Variants in HERC1 observed in about 807,000 individuals in gnomAD.
The protein encoded by HERC1 is probable E3 ubiquitin-protein ligase HERC1.
HERC1 carries 160 observed loss-of-function variants against 554.3 expected under a neutral mutation model. That is an observed-to-expected ratio of 0.29 (90% confidence interval 0.25 to 0.33). The LOEUF (loss-of-function observed/expected upper bound fraction) is 0.33. HERC1 is among the 10% of genes least tolerant of loss of function. The pLI, the probability that HERC1 is intolerant of heterozygous loss-of-function variation, is 1.00. For missense variants in HERC1, 4,919 were observed against 5,918.5 expected, an observed-to-expected ratio of 0.83 and a Z score of 5.54; for synonymous variants, 2,175 against 2,131.7, an observed-to-expected ratio of 1.02 and a Z score of -0.56.
Position 63,797,852 on chromosome 15 carries a change from T to A in HERC1, c.-26-22203A>T, listed in dbSNP as rs148300727. 1.2e-3 allele frequency among the ~76,000 whole-genome samples: 188 copies of A among 152,332 alleles called. 1 individual carries two copies. The highest frequency in any genetic ancestry group is 4.2e-3 in the African/African-American group (173 of 41,574). On this transcript the variant is annotated intron_variant, in intron 1 of 77. Coordinates refer to ENST00000443617, the MANE Select transcript of HERC1 (RefSeq NM_003922.4). ...ATCCGTAAGATAGTTATTAATAACATAAAACAATTTTCAAAAAATTAAACA... is the reference window on the plus strand; with the variant it reads ...ATCCGTAAGATAGTTATTAATAACAAAAAACAATTTTCAAAAAATTAAACA...
chr15:63,700,126 G>A (rs1379863782), intron 25 of HERC1, among the ~76,000 whole-genome samples: 1 of 151,922 alleles, frequency 6.6e-6, no homozygotes, highest in Non-Finnish European at 1.5e-5. Flanking sequence ...TTGTTTTAAT[G>A]TATTCCTAAG....
chr15:63,754,575 A>AC lies in HERC1; in HGVS notation c.1703dup (p.Cys568TrpfsTer11). On this transcript the variant is annotated frameshift_variant, in exon 7 of 78. Coordinates refer to ENST00000443617, the MANE Select transcript of HERC1 (RefSeq NM_003922.4). LOFTEE classifies it high-confidence loss of function. Reference sequence around the variant, plus strand: ...ACAGAGCAATAGTATGTGAACTGCCACAAGAAACCTCTCCTACATTGCTGA... The same window carrying AC: ...ACAGAGCAATAGTATGTGAACTGCCACCAAGAAACCTCTCCTACATTGCTGA... 1 of 1,613,596 alleles carries AC rather than the reference A, an allele frequency of 6.2e-7. No individual in the cohort carries two copies. The highest frequency in any genetic ancestry group is 8.5e-7 in the Non-Finnish European group (1 of 1,179,606).
chr15:63,675,712 T>G (rs1248789557), intron 37 of HERC1, among the ~76,000 whole-genome samples: 1 of 152,204 alleles, frequency 6.6e-6, no homozygotes, highest in Non-Finnish European at 1.5e-5. Context: ...ATATATTTCC[T>G]GATATTGGCA....
At chr15:63,827,870 G>C (rs764127094) in intron 1 of HERC1, among the ~76,000 whole-genome samples, 5 of 152,128 alleles carry the variant, frequency 3.3e-5, no homozygotes, top group African/African-American at 4.8e-5. Flanking sequence ...TATGCTAAGT[G>C]AAAGAAGCCA....
At chr15:63,636,435 T>A (rs138082820) in intron 64 of HERC1, among the ~76,000 whole-genome samples, 62 of 152,116 alleles carry the variant, frequency 4.1e-4, no homozygotes, top group African/African-American at 1.4e-3. Context: ...CATATCTGGC[T>A]AATTTTTGTA....
intron 34 of HERC1, among the ~76,000 whole-genome samples, chr15:63,682,275 G>A (rs1213751488): frequency 1.3e-5 from 2 of 152,146 alleles, no homozygotes; most frequent in African/African-American, 2.4e-5. Flanking sequence ...TACCCCAGAC[G>A]CTCTTGGCCT....
rs148121104 is a variant in HERC1 at position 63,615,323 on chromosome 15, G to C, written c.14094+445C>G. Reference sequence around the variant, plus strand: ...TAGGGTTTGGAATATAAATACAAAGGAATCACCAAGTGCGGTGGCTCACAC... The same window carrying C: ...TAGGGTTTGGAATATAAATACAAAGCAATCACCAAGTGCGGTGGCTCACAC... On this transcript the variant is annotated intron_variant, in intron 76 of 77. Transcript: ENST00000443617. 2.0e-3 allele frequency among the ~76,000 whole-genome samples: 310 copies of C among 152,266 alleles called. 1 individual carries two copies. Among genetic ancestry groups the C allele is most frequent in the African/African-American group, 7.1e-3 (297 of 41,544 alleles).
At chr15:63,691,569 C>G (rs987588662) in intron 31 of HERC1, among the ~76,000 whole-genome samples, 1 of 151,454 alleles carries the variant, frequency 6.6e-6, no homozygotes, top group African/African-American at 2.4e-5. Context: ...GTAATAAGAT[C>G]AGTTGAAAAT....
intron 54 of HERC1, among the ~76,000 whole-genome samples, chr15:63,649,097 G>A (rs143571739): frequency 0.017 from 2,585 of 152,310 alleles, 39 homozygotes; most frequent in Admixed American, 0.039. Flanking sequence ...GCTCACGCCT[G>A]TAATCCCAGG....
intron 57 of HERC1, 92 bp from the exon 58 acceptor site, chr15:63,643,642 G>T: frequency 1.0e-6 from 1 of 975,050 alleles, no homozygotes; most frequent in African/African-American, 1.7e-5. Flanking sequence ...TTATATTTCA[G>T]AATAAAATTG....
At position 63,661,765 on chromosome 15, in the gene HERC1, G is replaced by C. The variant is rs573700001; in HGVS notation, c.9158C>G (p.Thr3053Arg). Residue 3053 changes from threonine to arginine, a missense_variant, in exon 45 of 78, where the codon ACA (threonine) becomes AGA (arginine). Coordinates refer to ENST00000443617, the MANE Select transcript of HERC1 (RefSeq NM_003922.4). ...AATTTCAAGGTACCTTTCAGAACTT[G>C]TTGACTTAGATTTGGTCTTCATGGC... is the stretch of plus-strand genomic sequence containing the variant. ...YLAMKTKSKS[T>R]SSERYKGQAP... The C allele has an allele frequency of 1.2e-6, 2 of 1,613,942 alleles. No individual in the cohort carries two copies. Among genetic ancestry groups the C allele is most frequent in the East Asian group, 4.5e-5 (2 of 44,884 alleles).
At chr15:63,611,704 G>T (rs2067599817) in intron 77 of HERC1, among the ~76,000 whole-genome samples, 3 of 152,224 alleles carry the variant, frequency 2.0e-5, no homozygotes, top group African/African-American at 7.2e-5. Context: ...AAGATTTAGG[G>T]AAGGTTGTTG....
chr15:63,833,749 G>GCACACACACACACA (rs1206350552), intron 1 of HERC1, 78 bp downstream of exon 1: 4 of 28,460 alleles, frequency 1.4e-4, no homozygotes, highest in African/African-American at 5.3e-4. Flanking sequence ...ACACACGCGC[G>GCACACACACACACA]CGCGCACACA....
At position 63,694,903 on chromosome 15, in the gene HERC1, C is replaced by T. The variant is rs1485033628; in HGVS notation, c.5122-9G>A. On this transcript the variant is annotated splice_polypyrimidine_tract_variant and intron_variant, in intron 27 of 77. Coordinates refer to ENST00000443617, the MANE Select transcript of HERC1 (RefSeq NM_003922.4). This position sits in a 1 kb window ranked among gnomAD's most constrained non-coding sequence, Gnocchi z 4.3. Reference sequence around the variant, plus strand: ...GCTGCTCTGATCCCATCCTGAATTACACATAAAGAATTACTTTTTCTATTA... The same window carrying T: ...GCTGCTCTGATCCCATCCTGAATTATACATAAAGAATTACTTTTTCTATTA... 2 of 1,605,064 alleles carry T rather than the reference C, an allele frequency of 1.2e-6. No homozygotes were observed. The highest frequency in any genetic ancestry group is 2.2e-5 in the East Asian group (1 of 44,778).
rs1190191736 is a variant in HERC1 at position 63,608,833 on chromosome 15, A to G, written c.*248T>C. ...AAATGGTTTCATGCAAACTTATCAA[A>G]AGTGACCAAAAATATGGAGGGAAAA... On this transcript the variant is annotated 3_prime_UTR_variant, in exon 78 of 78. Transcript: ENST00000443617. The G allele has an allele frequency of 5.6e-6, 2 of 354,846 alleles. No homozygotes were observed. Among genetic ancestry groups the G allele is most frequent in the African/African-American group, 4.2e-5 (2 of 47,670 alleles). 22.0% of individuals were successfully genotyped at this position (354,846 alleles called of 1,614,324 possible). A position where few individuals can be genotyped will look rare whatever the true frequency, so the allele number is the denominator to read the frequency against.
At chr15:63,800,293 A>T (rs1201333904) in intron 1 of HERC1, among the ~76,000 whole-genome samples, 1 of 152,218 alleles carries the variant, frequency 6.6e-6, no homozygotes, top group Non-Finnish European at 1.5e-5. Flanking sequence ...AAAGAACAAA[A>T]TCTCTCCTCT....
At position 63,616,483 on chromosome 15, in the gene HERC1, T is replaced by C; in HGVS notation, c.13888A>G (p.Asn4630Asp). The C allele has an allele frequency of 5.0e-6, 8 of 1,614,002 alleles. No individual in the cohort carries two copies. The highest frequency in any genetic ancestry group is 6.8e-6 in the Non-Finnish European group (8 of 1,179,882). Residue 4630 changes from asparagine (N) to aspartate (D), a missense_variant, in exon 75 of 78, where the codon AAC becomes GAC. Asn to Asp is a conservative substitution (Grantham distance 23). Transcript: ENST00000443617. ...EVDLLYVQTL[N>D]SILHIEDSGI... ...CTGTCTTCAATGTGAAGAATGCTGT[T>C]GAGAGTCTGCACGTAGAGCAGATCC...
chr15:63,725,182 A>T (rs2073989963), intron 18 of HERC1, 110 bp downstream of exon 18: 1 of 899,824 alleles, frequency 1.1e-6, no homozygotes, highest in Admixed American at 2.4e-5. Flanking sequence ...TACACTGCTA[A>T]TGTTGCAATT....
At chr15:63,776,668 T>A (rs1032314140) in intron 1 of HERC1, among the ~76,000 whole-genome samples, 2 of 152,184 alleles carry the variant, frequency 1.3e-5, no homozygotes, top group Admixed American at 1.3e-4. Flanking sequence ...GGTTGCGCAT[T>A]TGTTAAAACC....
Sources: gnomAD v4.1 joint callset for allele counts (sites outside exome capture counted in the v4.1 genomes callset) on GRCh38, gnomAD v4.1.1 for gene constraint, Gnocchi (gnomAD v3.1) non-coding constraint, MANE v1.5 for transcripts, NCBI Gene and HGNC (gene_info 2026-07-23, HGNC 2026-07-21) for gene names.